Variants in F8 observed in about 807,000 individuals in gnomAD.
F8 encodes antihemophilic factor.
A neutral mutation model predicts 140.6 loss-of-function variants in F8; 12 were observed. The ratio of observed to expected loss-of-function variants is 0.09; its 90% CI spans 0.05 to 0.14. F8 has a LOEUF of 0.14. F8 is among the 10% of genes least tolerant of loss of function. F8 has a pLI of 1.00. For synonymous variants in F8, 585 were observed against 614.6 expected (o/e 0.95, Z 0.71); for missense variants, 1,354 against 1,720.7 (o/e 0.79, Z 3.77).
intron 22 of F8, among the ~76,000 whole-genome samples, chrX:154,888,380 ATTTTTT>A (rs782710109): frequency 2.0e-3 from 44 of 22,142 alleles, no homozygotes; most frequent in Non-Finnish European, 2.2e-3. Context: ...TGTAATAGGG[ATTTTTT>A]TTTTTTTTTT....
Position 154,928,737 on chromosome X carries a change from C to T in F8, c.5053G>A (p.Asp1685Asn). ...TTCTTCATTTCAACTGATATGGTAT[C>T]ATCATAGTCAATTTCCTCTTGATCT... is the stretch of plus-strand genomic sequence containing the variant. ...QSDQEEIDYDDTISVEMKKED... is the reference protein window; with the variant it reads ...QSDQEEIDYDNTISVEMKKED... Residue 1685 changes from aspartate (D) to asparagine (N), a missense_variant, in exon 14 of 26, where the codon GAT becomes AAT. By Grantham distance (23) the Asp-to-Asn change is conservative. This residue lies in a region of F8 where 658 missense variants were observed against 666.5 expected (regional missense o/e 0.99). Coordinates refer to ENST00000360256, the MANE Select transcript of F8 (RefSeq NM_000132.4). The T allele has an allele frequency of 8.3e-7, 1 of 1,211,127 alleles. No homozygotes were observed.
At chrX:154,966,824 G>A in intron 7 of F8, 137 bp from the exon 8 acceptor site, 1 of 796,300 alleles carries the variant, frequency 1.3e-6, no homozygotes, top group Non-Finnish European at 1.8e-6. Context: ...GCATGGTGCT[G>A]GCATCTGCTT....
intron 21 of F8, 22 bp from the exon 22 acceptor site, chrX:154,896,254 T>C (rs2072978952): frequency 1.7e-6 from 2 of 1,186,861 alleles, no homozygotes; most frequent in African/African-American, 1.8e-5. Flanking sequence ...AATAACACTT[T>C]ATTTTAACCT....
intron 22 of F8, among the ~76,000 whole-genome samples, chrX:154,876,207 C>T (rs782090592): frequency 9.3e-6 from 1 of 106,963 alleles, no homozygotes; most frequent in East Asian, 2.9e-4. Flanking sequence ...GCAAGCTCCG[C>T]CTCCCGGGTT....
At chrX:155,013,502 A>G (rs2073719855) in intron 1 of F8, among the ~76,000 whole-genome samples, 1 of 111,474 alleles carries the variant, frequency 9.0e-6, no homozygotes, top group Non-Finnish European at 1.9e-5. Flanking sequence ...TCCTTTATAA[A>G]TTACCCAGTC....
rs782352748 is a variant in F8, at chrX:155,002,849, C to T, written c.144-3249G>A. 1.8e-4 allele frequency among the ~76,000 whole-genome samples: 20 copies of T among 112,002 alleles called. No individual in the cohort carries two copies. The South Asian group carries it at 7.0e-3, about 39-fold the overall frequency. On this transcript the variant is annotated intron_variant, in intron 1 of 25. Transcript: ENST00000360256. ...ATTTCTCCACATCCTCACCAACATTCATTATTTTCTGTTTTAGTTTTGATA... is the reference window on the plus strand; with the variant it reads ...ATTTCTCCACATCCTCACCAACATTTATTATTTTCTGTTTTAGTTTTGATA...
At position 154,929,526 on chromosome X, in the gene F8, A is replaced by G. The variant is rs782440913; in HGVS notation, c.4264T>C (p.Tyr1422His). ...TCTTGGAATAGGACCCTGGTCAGAT[A>G]TATAGGTCTAATAGATGGAAATGAT... ...VSSFPSIRPIYLTRVLFQDNS... is the reference protein window; with the variant it reads ...VSSFPSIRPIHLTRVLFQDNS... The change falls in exon 14 of 26, where the codon TAT becomes CAT. Residue 1422 changes from tyrosine to histidine, a missense_variant. Tyr to His is a moderately conservative substitution (Grantham distance 83, BLOSUM62 2). Around this residue, in one of 4 missense-constraint regions of F8, gnomAD observed 658 missense variants for 666.5 expected, o/e 0.99. Transcript: ENST00000360256. The G allele has an allele frequency of 1.2e-5, 15 of 1,208,271 alleles. No individual in the cohort carries two copies. The highest frequency in any genetic ancestry group is 6.6e-5 in the Admixed American group (3 of 45,724).
intron 22 of F8, among the ~76,000 whole-genome samples, chrX:154,869,729 AC>A (rs1185954213): frequency 9.0e-6 from 1 of 111,687 alleles, no homozygotes; most frequent in African/African-American, 3.3e-5. Context: ...ACACAAAAAA[AC>A]CTTCAAAAAA....
intron 14 of F8, among the ~76,000 whole-genome samples, chrX:154,912,083 T>C (rs1307983953): frequency 8.9e-6 from 1 of 112,272 alleles, no homozygotes; most frequent in African/African-American, 3.2e-5. Context: ...GAGTTCCTTA[T>C]ATATTCTGGT....
chrX:154,962,791 AG>A (rs782212742), intron 9 of F8, among the ~76,000 whole-genome samples: 14 of 110,383 alleles, frequency 1.3e-4, no homozygotes, highest in African/African-American at 4.6e-4. Context: ...ACTTCAGCCC[AG>A]GAAGTTGAGG....
intron 4 of F8, among the ~76,000 whole-genome samples, chrX:154,992,722 T>C: frequency 8.9e-6 from 1 of 112,466 alleles, no homozygotes; most frequent in Non-Finnish European, 1.9e-5. Context: ...GGAACTCAGC[T>C]CCTCCTGATC....
intron 6 of F8, among the ~76,000 whole-genome samples, chrX:154,979,616 T>C (rs1169094684): frequency 9.0e-6 from 1 of 111,683 alleles, no homozygotes; most frequent in Non-Finnish European, 1.9e-5. Flanking sequence ...GAGCACAAGG[T>C]TCACTAGTGT....
At chrX:154,900,286 T>G (rs1159238354) in intron 20 of F8, among the ~76,000 whole-genome samples, 1 of 111,182 alleles carries the variant, frequency 9.0e-6, no homozygotes, top group African/African-American at 3.3e-5. Flanking sequence ...CAGGCTGGAG[T>G]GCAATGGCAT....
chrX:154,869,368 A>C (rs2072754991), intron 22 of F8, among the ~76,000 whole-genome samples: 1 of 112,185 alleles, frequency 8.9e-6, no homozygotes, highest in Non-Finnish European at 1.9e-5. Context: ...GTGCAATCAA[A>C]TTAGAACTCA....
At chrX:154,942,266 C>T (rs1557279853) in intron 13 of F8, among the ~76,000 whole-genome samples, 1 of 110,418 alleles carries the variant, frequency 9.1e-6, no homozygotes. Context: ...TGATAGACCG[C>T]TAGCAAGACT....
chrX:154,988,708 A>G (rs1468503724), intron 4 of F8, among the ~76,000 whole-genome samples: 1 of 112,089 alleles, frequency 8.9e-6, no homozygotes, highest in African/African-American at 3.2e-5. Flanking sequence ...CACTGAACCA[A>G]GAAAACTTAG....
intron 11 of F8, among the ~76,000 whole-genome samples, chrX:154,956,132 G>A (rs2073364038): frequency 8.9e-6 from 1 of 112,323 alleles, no homozygotes; most frequent in Non-Finnish European, 1.9e-5. Flanking sequence ...AGAGAAATAT[G>A]ACTCTGTTCT....
chrX:154,989,647 T>C (rs1227470073), intron 4 of F8, among the ~76,000 whole-genome samples: 1 of 112,262 alleles, frequency 8.9e-6, no homozygotes, highest in East Asian at 2.8e-4. Context: ...TCCATATAAC[T>C]CTTGCTTTAT....
chrX:154,906,518 C>G lies in F8; in HGVS notation c.5275G>C (p.Asp1759His). ...TATAAGGGCTGAGTAAAGGAGCCAT[C>G]AGTAAATTCCTGGAAAACAACTTTC... ...FKKVVFQEFT[D>H]GSFTQPLYRG... The change falls in exon 15 of 26, where the codon GAT becomes CAT. Residue 1759 changes from aspartate (D) to histidine (H), a missense_variant. Physicochemically the swap from Asp to His is moderately conservative, Grantham distance 81. Transcript: ENST00000360256. 8.3e-7 allele frequency: 1 copy of G among 1,210,301 alleles called. No individual in the cohort carries two copies. The highest frequency in any genetic ancestry group is 1.1e-6 in the Non-Finnish European group (1 of 894,504).
Sources: gnomAD v4.1 joint callset for allele counts (sites outside exome capture counted in the v4.1 genomes callset) on GRCh38, gnomAD v4.1.1 for gene constraint, gnomAD v4.1.1 regional missense constraint, MANE v1.5 for transcripts, NCBI Gene and HGNC (gene_info 2026-07-23, HGNC 2026-07-21) for gene names.